HELZ: variants seen among roughly 807,000 people sequenced by gnomAD.
The protein encoded by HELZ is ATP-dependent RNA helicase with zinc finger domain.
In HELZ, 23 loss-of-function variants were observed where a neutral mutation model predicts 218.2. The observed-to-expected ratio is 0.11, with a 90% CI of 0.08 to 0.15. The LOEUF is 0.15. Ranked by LOEUF, HELZ falls within the 10% of genes least tolerant of loss-of-function variation. The probability of loss-of-function intolerance (pLI) is 1.00; values close to 1 mark genes in which losing one functional copy is unlikely to be tolerated. For synonymous variants in HELZ, 814 were observed against 829.4 expected, an observed-to-expected ratio of 0.98 and a Z score of 0.32; for missense variants, 1,813 against 2,353.7, an observed-to-expected ratio of 0.77 and a Z score of 4.75.
intron 24 of HELZ, among the ~76,000 whole-genome samples, chr17:67,127,206 T>C (rs1035633901): frequency 1.3e-5 from 2 of 152,196 alleles, no homozygotes; most frequent in Admixed American, 6.5e-5. Flanking sequence ...TTCCTCTCAC[T>C]TCCTCTCACT....
chr17:67,116,484 TACACACACACAC>T (rs144779116), intron 27 of HELZ, among the ~76,000 whole-genome samples: 4 of 147,826 alleles, frequency 2.7e-5, no homozygotes, highest in African/African-American at 7.4e-5. Flanking sequence ...AAGGTAAAAA[TACACACACACAC>T]ACACACACAC....
intron 23 of HELZ, among the ~76,000 whole-genome samples, chr17:67,129,393 CAT>C (rs566988767): frequency 2.7e-4 from 41 of 152,028 alleles, no homozygotes; most frequent in South Asian, 1.2e-3. Context: ...TATACACACA[CAT>C]AGATACCACA....
chr17:67,097,004 G>A (rs368512251), intron 31 of HELZ, among the ~76,000 whole-genome samples: 3 of 152,272 alleles, frequency 2.0e-5, no homozygotes, highest in South Asian at 2.1e-4. Context: ...GATTTAAAGT[G>A]AGAGGCATGC....
intron 24 of HELZ, among the ~76,000 whole-genome samples, chr17:67,125,311 TA>T (rs1471344618): frequency 6.3e-5 from 2 of 31,536 alleles, no homozygotes; most frequent in Non-Finnish European, 1.4e-4. Flanking sequence ...TATATATATA[TA>T]TATATATATA....
chr17:67,240,923 A>G (rs998373731), intron 2 of HELZ, among the ~76,000 whole-genome samples: 7 of 152,230 alleles, frequency 4.6e-5, no homozygotes, highest in Admixed American at 3.3e-4. Flanking sequence ...TATATAAATA[A>G]AATTCTTCCT....
chr17:67,235,607 G>C (rs2041158632), intron 3 of HELZ, among the ~76,000 whole-genome samples: 1 of 152,024 alleles, frequency 6.6e-6, no homozygotes, highest in Non-Finnish European at 1.5e-5. Flanking sequence ...ACAAGAACTT[G>C]AGAACCACTC....
intron 20 of HELZ, among the ~76,000 whole-genome samples, chr17:67,148,165 A>G (rs540654593): frequency 6.8e-4 from 103 of 152,322 alleles, no homozygotes; most frequent in African/African-American, 2.4e-3. Context: ...CAGTCTTCTA[A>G]GCCCTCAACC....
chr17:67,224,695 C>G lies in HELZ; in HGVS notation c.-18-5873G>C. ...TCTTCTGTGTCTTAAAAATATAAGC[C>G]TAGGTTTCCATGCCCATAGTGCTCA... On this transcript the variant is annotated intron_variant, in intron 3 of 32. Transcript: ENST00000358691. 8 of 779,412 alleles carry G rather than the reference C, an allele frequency of 1.0e-5. No individual in the cohort carries two copies. The South Asian group carries it at 1.1e-4, about 10-fold the overall frequency. The allele number at this position is 779,412 out of a possible 1,614,324, so 48.3% of individuals were successfully genotyped here.
At chr17:67,221,782 T>TA (rs1357050853) in intron 3 of HELZ, among the ~76,000 whole-genome samples, 1 of 152,068 alleles carries the variant, frequency 6.6e-6, no homozygotes, top group Non-Finnish European at 1.5e-5. Context: ...ATAATGTCTC[T>TA]AAAATTCCTT....
Position 67,073,114 on chromosome 17 carries a change from T to A in HELZ, c.*5138A>T, listed in dbSNP as rs1195463886. The A allele has an allele frequency of 6.6e-6, 1 of 152,258 alleles. No individual in the cohort carries two copies. Among genetic ancestry groups the A allele is most frequent in the African/African-American group, 2.4e-5 (1 of 41,452 alleles). The allele number at this position is 152,258 out of a possible 1,614,324, so 9.4% of individuals were successfully genotyped here. A position where few individuals can be genotyped will look rare whatever the true frequency, so the allele number is the denominator to read the frequency against. On this transcript the variant is annotated 3_prime_UTR_variant, in exon 33 of 33. Coordinates refer to ENST00000358691, the MANE Select transcript of HELZ (RefSeq NM_014877.4). ...AAATAGTACTATGTGACTTCTACTC[T>A]GTGTTGCAACCTATGTAATTTGCCA...
At chr17:67,165,215 G>T (rs2039106074) in intron 15 of HELZ, among the ~76,000 whole-genome samples, 1 of 152,196 alleles carries the variant, frequency 6.6e-6, no homozygotes, top group African/African-American at 2.4e-5. Flanking sequence ...GCACTAAAAA[G>T]AACAGAGGGG....
At chr17:67,116,263 C>T (rs776144276) in intron 27 of HELZ, among the ~76,000 whole-genome samples, 3 of 149,228 alleles carry the variant, frequency 2.0e-5, no homozygotes, top group Non-Finnish European at 4.5e-5. Context: ...AAGGAGAAGG[C>T]GGAAAAATCA....
intron 5 of HELZ, among the ~76,000 whole-genome samples, chr17:67,207,693 T>C (rs1487339745): frequency 1.3e-5 from 2 of 152,186 alleles, no homozygotes; most frequent in African/African-American, 2.4e-5. Context: ...GATATAATCA[T>C]GCTCTCAGAA....
rs764577924 is a variant in HELZ, at chr17:67,122,972, G to A, written c.3628C>T (p.Pro1210Ser). 6.2e-7 allele frequency: 1 copy of A among 1,602,596 alleles called. No homozygotes were observed. Among genetic ancestry groups the A allele is most frequent in the Non-Finnish European group, 8.5e-7 (1 of 1,170,686 alleles). ...AAGTATTTCGAATGTCCACTTACAG[G>A]TAAAGGCACCGACATAACTACATTC... The part of the protein sequence containing the change: ...GGNVVMSVPL[P>S]VPWTGYQGRF... Residue 1210 changes from proline (P) to serine (S), a missense_variant and splice_region_variant, in exon 26 of 33, where the codon CCT becomes TCT. Pro to Ser is a moderately conservative substitution (Grantham distance 74, BLOSUM62 -1). Around this residue, in one of 4 missense-constraint regions of HELZ, gnomAD observed 938 missense variants for 1,027.5 expected, o/e 0.91. Coordinates refer to ENST00000358691, the MANE Select transcript of HELZ (RefSeq NM_014877.4).
chr17:67,083,985 T>C (rs1174704758), intron 32 of HELZ, among the ~76,000 whole-genome samples: 1 of 152,240 alleles, frequency 6.6e-6, no homozygotes, highest in Non-Finnish European at 1.5e-5. Flanking sequence ...ACAATCATCT[T>C]TTTAAAATTT....
chr17:67,198,700 A>G (rs1313429142), intron 7 of HELZ, among the ~76,000 whole-genome samples: 3 of 152,224 alleles, frequency 2.0e-5, no homozygotes, highest in Admixed American at 2.0e-4. Flanking sequence ...ATTCTCATCC[A>G]TTAGCATTTA....
rs150580521 is a variant in HELZ at position 67,108,593 on chromosome 17, C to T, written c.4623G>A (p.Gln1541=). The change falls in exon 30 of 33, where the codon CAG becomes CAA. Residue 1541 remains glutamine (Q), a synonymous_variant. Transcript: ENST00000358691. This position sits in a 1 kb window ranked among gnomAD's most constrained non-coding sequence, Gnocchi z 4.1. Reference sequence around the variant, plus strand: ...ATCCCAGGGGCGGCTGAGGAAGATGCTGGAGGTGAGGATGGTGATGGTGTG... The same window carrying T: ...ATCCCAGGGGCGGCTGAGGAAGATGTTGGAGGTGAGGATGGTGATGGTGTG... ...PYPHHHHPHL[Q]HLPQPPLGLH... 3 of 1,614,042 alleles carry T rather than the reference C, an allele frequency of 1.9e-6. No homozygotes were observed. Among genetic ancestry groups the T allele is most frequent in the Middle Eastern group, 1.7e-4 (1 of 6,060 alleles).
intron 26 of HELZ, among the ~76,000 whole-genome samples, chr17:67,121,231 C>T (rs1359718426): frequency 6.6e-6 from 1 of 152,140 alleles, no homozygotes; most frequent in African/African-American, 2.4e-5. Flanking sequence ...CATATTAACA[C>T]AAAAGGAATA....
intron 23 of HELZ, 50 bp from the exon 24 acceptor site, chr17:67,128,905 C>T (rs1219613507): frequency 7.5e-7 from 1 of 1,328,088 alleles, no homozygotes; most frequent in Non-Finnish European, 1.1e-6. Flanking sequence ...GATGAGATCA[C>T]AGAAATGAAT....
Sources: allele counts gnomAD v4.1 joint callset (sites outside exome capture counted in the v4.1 genomes callset), GRCh38; gene constraint gnomAD v4.1.1; regional missense constraint gnomAD v4.1.1; non-coding constraint Gnocchi (gnomAD v3.1); transcripts MANE v1.5; gene names NCBI Gene and HGNC (gene_info 2026-07-23, HGNC 2026-07-21).